TIMD4: variants seen among roughly 807,000 people sequenced by gnomAD.
The protein encoded by TIMD4 is T-cell immunoglobulin and mucin domain-containing protein 4.
Under a neutral mutation model 41.2 loss-of-function variants are expected in TIMD4, and 31 were observed. The ratio of observed to expected loss-of-function variants is 0.75; its 90% CI spans 0.57 to 1.01. The LOEUF (loss-of-function observed/expected upper bound fraction) is 1.01, where lower values mean the gene tolerates loss of function less well. Ranked by LOEUF, TIMD4 falls within the 50% of genes least tolerant of loss-of-function variation. The pLI, the probability that TIMD4 is intolerant of heterozygous loss-of-function variation, is 0.00. For missense variants in TIMD4, 479 were observed against 472.5 expected (o/e 1.01, Z -0.13); for synonymous variants, 204 against 177.1 (o/e 1.15, Z -1.21).
intron 5 of TIMD4, among the ~76,000 whole-genome samples, chr5:156,927,113 AG>A (rs1245878799): frequency 6.6e-6 from 1 of 152,226 alleles, no homozygotes; most frequent in African/African-American, 2.4e-5. Flanking sequence ...GGCTGCTGGA[AG>A]GGCAGGTAGA....
At chr5:156,939,218 A>AT (rs964469307) in intron 5 of TIMD4, among the ~76,000 whole-genome samples, 1 of 152,160 alleles carries the variant, frequency 6.6e-6, no homozygotes, top group South Asian at 2.1e-4. Flanking sequence ...ATTCTGGACA[A>AT]TTTTTTAACC....
intron 5 of TIMD4, among the ~76,000 whole-genome samples, chr5:156,928,875 C>T (rs1189326320): frequency 6.6e-6 from 1 of 152,194 alleles, no homozygotes; most frequent in African/African-American, 2.4e-5. Context: ...TGTTGTATTA[C>T]AATCATTTGT....
intron 5 of TIMD4, among the ~76,000 whole-genome samples, chr5:156,932,598 A>G (rs546887854): frequency 6.6e-6 from 1 of 152,236 alleles, no homozygotes; most frequent in African/African-American, 2.4e-5. Flanking sequence ...AATGTTCTAT[A>G]GTTAGGTAAG....
In TIMD4 at chr5:156,926,310, A is replaced by G; in HGVS notation, c.847T>C (p.Ser283Pro). Residue 283 changes from serine (S) to proline (P), a missense_variant and splice_region_variant, in exon 6 of 9, where the codon TCT becomes CCT. Transcript: ENST00000274532. Reference protein sequence around the residue: ...DSVSSPQPGASDTAVPEQNKT... With the variant: ...DSVSSPQPGAPDTAVPEQNKT... ...TTCTGCTCAGGAACTGCTGTATCAG[A>G]TGCTGGGAAGGAAAAGAGAAGAAAA... 1 of 1,613,666 alleles carries G rather than the reference A, an allele frequency of 6.2e-7. No individual in the cohort carries two copies. The highest frequency in any genetic ancestry group is 8.5e-7 in the Non-Finnish European group (1 of 1,179,696).
intron 2 of TIMD4, among the ~76,000 whole-genome samples, chr5:156,952,060 C>T (rs947528077): frequency 7.9e-5 from 12 of 151,902 alleles, no homozygotes; most frequent in African/African-American, 1.7e-4. Context: ...GAGGCCGAGG[C>T]GGGTGGATCA....
At chr5:156,922,910 T>A (rs1193978571) in intron 6 of TIMD4, among the ~76,000 whole-genome samples, 2 of 151,858 alleles carry the variant, frequency 1.3e-5, no homozygotes, top group Non-Finnish European at 2.9e-5. Flanking sequence ...AAAATAGAGT[T>A]AGTTAGTTGC....
At chr5:156,962,857 C>T (rs1042155101) in intron 1 of TIMD4, among the ~76,000 whole-genome samples, 1 of 152,294 alleles carries the variant, frequency 6.6e-6, no homozygotes, top group African/African-American at 2.4e-5. Context: ...CTCTTTTCCC[C>T]AATTTATCTG....
intron 5 of TIMD4, among the ~76,000 whole-genome samples, chr5:156,946,347 C>T (rs1331620339): frequency 6.6e-6 from 1 of 152,230 alleles, no homozygotes; most frequent in Non-Finnish European, 1.5e-5. Flanking sequence ...TGTTTTCCCA[C>T]TGTATGAGTT....
chr5:156,923,110 C>T (rs983396264), intron 6 of TIMD4, among the ~76,000 whole-genome samples: 93 of 149,790 alleles, frequency 6.2e-4, no homozygotes, highest in African/African-American at 2.2e-3. Context: ...GTTGCCCAGG[C>T]TGGGCTCAAG....
Position 156,959,129 on chromosome 5 carries a change from C to A in TIMD4, c.58+4012G>T, listed in dbSNP as rs1760034386. 3.3e-5 allele frequency among the ~76,000 whole-genome samples: 5 copies of A among 152,100 alleles called. No individual in the cohort carries two copies. The South Asian group carries it at 1.0e-3, about 32-fold the overall frequency. The stretch of plus-strand genomic sequence containing the variant: ...GGATAGCAGTCCAAAGGGCATTTGG[C>A]TTTATAACATTTTAATTTTTTCACC... On this transcript the variant is annotated intron_variant, in intron 1 of 8. Coordinates refer to ENST00000274532, the MANE Select transcript of TIMD4 (RefSeq NM_138379.3).
intron 5 of TIMD4, among the ~76,000 whole-genome samples, chr5:156,927,981 A>G (rs1048096074): frequency 4.1e-4 from 62 of 152,310 alleles, no homozygotes; most frequent in African/African-American, 1.4e-3. Flanking sequence ...AGTCATCAGT[A>G]TCCAGGGAGC....
chr5:156,932,744 C>T (rs1002343831), intron 5 of TIMD4, among the ~76,000 whole-genome samples: 1 of 152,186 alleles, frequency 6.6e-6, no homozygotes, highest in Non-Finnish European at 1.5e-5. Context: ...CAGTGACTCA[C>T]GCCTGTAATC....
intron 1 of TIMD4, among the ~76,000 whole-genome samples, chr5:156,957,121 T>C (rs1260014985): frequency 6.6e-6 from 1 of 152,006 alleles, no homozygotes; most frequent in Non-Finnish European, 1.5e-5. Flanking sequence ...CCTCTGGTTG[T>C]TCTTATGATA....
Position 156,920,920 on chromosome 5 carries a change from A to C in TIMD4, c.1013-417T>G, listed in dbSNP as rs548648089. On this transcript the variant is annotated intron_variant, in intron 7 of 8. Coordinates refer to ENST00000274532, the MANE Select transcript of TIMD4 (RefSeq NM_138379.3). ...TTTTGCACCTGGGGCAGGTGTTGAA[A>C]TATACAAGTTTCATTATTATTCAAA... 8.0e-4 allele frequency among the ~76,000 whole-genome samples: 122 copies of C among 152,296 alleles called. 1 individual carries two copies. Among genetic ancestry groups the C allele is most frequent in the African/African-American group, 2.4e-3 (99 of 41,558 alleles).
chr5:156,939,048 G>C (rs1759593041), intron 5 of TIMD4, among the ~76,000 whole-genome samples: 1 of 152,168 alleles, frequency 6.6e-6, no homozygotes, highest in Non-Finnish European at 1.5e-5. Flanking sequence ...CCTTTGTGGG[G>C]AGGGAGTCTC....
chr5:156,941,963 A>G (rs1759658614), intron 5 of TIMD4, among the ~76,000 whole-genome samples: 1 of 152,208 alleles, frequency 6.6e-6, no homozygotes, highest in South Asian at 2.1e-4. Context: ...TGCAAAATAA[A>G]AAGATACAGT....
chr5:156,926,302 T>C lies in TIMD4; in HGVS notation c.855A>G (p.Thr285=). Residue 285 remains threonine, a synonymous_variant, in exon 6 of 9, where the codon ACA becomes ACG. Coordinates refer to ENST00000274532, the MANE Select transcript of TIMD4 (RefSeq NM_138379.3). ...TTGTTTTGTTCTGCTCAGGAACTGC[T>C]GTATCAGATGCTGGGAAGGAAAAGA... ...VSSPQPGASD[T]AVPEQNKTTK... 1 of 1,613,722 alleles carries C rather than the reference T, an allele frequency of 6.2e-7. No individual in the cohort carries two copies.
intron 5 of TIMD4, chr5:156,935,484 T>G (rs1003067017): frequency 1.3e-5 from 2 of 152,194 alleles, no homozygotes; most frequent in Admixed American, 6.5e-5. Flanking sequence ...AACAGAGCAT[T>G]ACATACATCA....
At chr5:156,961,841 G>A (rs369050374) in intron 1 of TIMD4, among the ~76,000 whole-genome samples, 4,434 of 73,050 alleles carry the variant, frequency 0.061, no homozygotes, top group Middle Eastern at 0.085. Flanking sequence ...AAAAAAGAAA[G>A]AAAAAAAAAA....
Sources: gnomAD v4.1 joint callset for allele counts (sites outside exome capture counted in the v4.1 genomes callset) on GRCh38, gnomAD v4.1.1 for gene constraint, MANE v1.5 for transcripts, NCBI Gene and HGNC (gene_info 2026-07-23, HGNC 2026-07-21) for gene names.